RECK: variants seen among roughly 807,000 people sequenced by gnomAD.
RECK encodes the protein reversion inducing cysteine rich protein with kazal motifs, also known as reversion-inducing cysteine-rich protein with Kazal motifs.
Under a neutral mutation model 115.1 loss-of-function variants are expected in RECK, and 69 were observed. That is an observed-to-expected ratio of 0.60 (90% CI 0.49 to 0.73). RECK has a LOEUF of 0.73. Among genes scored for constraint, RECK ranks in the 30% least tolerant of loss-of-function variants. RECK has a pLI of 0.00. For synonymous variants in RECK, 414 were observed against 419.7 expected, an observed-to-expected ratio of 0.99 and a Z score of 0.17; for missense variants, 1,047 against 1,203.7, an observed-to-expected ratio of 0.87 and a Z score of 1.93.
chr9:36,085,361 A>T (rs1564120596), intron 8 of RECK: 2 of 156,074 alleles, frequency 1.3e-5, no homozygotes, highest in Admixed American at 1.3e-4. Context: ...GACCAGATTT[A>T]TAAAAACTGA....
rs1255303403 is a variant in RECK, at chr9:36,037,015, C to T, written c.17C>T (p.Ala6Val). Residue 6 changes from alanine (A) to valine (V), a missense_variant, in exon 1 of 21, where the codon GCC (alanine) becomes GTC (valine). Transcript: ENST00000377966. MATVR[A>V]SLRGALLLLL... ...GGCCCGGACATGGCGACCGTCCGGG[C>T]CTCTCTGCGAGGTGCGCTGCTCCTT... The T allele has an allele frequency of 7.0e-7, 1 of 1,433,938 alleles. No homozygotes were observed. Among genetic ancestry groups the T allele is most frequent in the South Asian group, 1.4e-5 (1 of 71,582 alleles). 88.8% of individuals were successfully genotyped at this position (1,433,938 alleles called of 1,614,324 possible).
At chr9:36,075,789 A>G (rs1429863399) in intron 6 of RECK, among the ~76,000 whole-genome samples, 3 of 152,212 alleles carry the variant, frequency 2.0e-5, no homozygotes, top group Non-Finnish European at 4.4e-5. Context: ...AAGTAATAGC[A>G]TAGTTAAGTA....
intron 19 of RECK, 67 bp downstream of exon 19, chr9:36,120,803 T>C: frequency 9.3e-7 from 1 of 1,073,360 alleles, no homozygotes; most frequent in East Asian, 2.4e-5. Context: ...TCCTAGAGAG[T>C]AGAATGTGTT....
intron 7 of RECK, among the ~76,000 whole-genome samples, chr9:36,081,768 A>G (rs1236539041): frequency 6.6e-6 from 1 of 150,664 alleles, no homozygotes; most frequent in Non-Finnish European, 1.5e-5. Context: ...CAGGAGGCAG[A>G]GGTTGCAGTA....
intron 1 of RECK, among the ~76,000 whole-genome samples, chr9:36,041,730 T>TGTGCATC (rs1820873515): frequency 6.6e-6 from 1 of 151,712 alleles, no homozygotes; most frequent in Non-Finnish European, 1.5e-5. Flanking sequence ...GGCTTCTCTC[T>TGTGCATC]GTGCATCTCT....
chr9:36,064,692 A>G (rs1037096754), intron 5 of RECK, among the ~76,000 whole-genome samples: 1 of 152,190 alleles, frequency 6.6e-6, no homozygotes, highest in Admixed American at 6.5e-5. Flanking sequence ...TCCTCCAGGC[A>G]TTGAGGTGAA....
At chr9:36,049,649 A>G (rs1319175293) in intron 1 of RECK, among the ~76,000 whole-genome samples, 1 of 152,230 alleles carries the variant, frequency 6.6e-6, no homozygotes, top group Non-Finnish European at 1.5e-5. Context: ...TTAGCATAAC[A>G]AAGACACTCC....
At chr9:36,078,294 A>G (rs1472624981) in intron 6 of RECK, among the ~76,000 whole-genome samples, 1 of 152,250 alleles carries the variant, frequency 6.6e-6, no homozygotes, top group Admixed American at 6.5e-5. Flanking sequence ...CGCAGGTTTT[A>G]TCTCCTTTAG....
intron 16 of RECK, among the ~76,000 whole-genome samples, chr9:36,115,050 C>T (rs1358965452): frequency 6.6e-6 from 1 of 152,058 alleles, no homozygotes; most frequent in Admixed American, 6.6e-5. Flanking sequence ...CACGGTGGCT[C>T]ATACCTGTAA....
chr9:36,096,123 G>C (rs144496584), intron 10 of RECK, among the ~76,000 whole-genome samples: 3,250 of 151,188 alleles, frequency 0.021, 63 homozygotes, highest in Non-Finnish European at 0.031. Flanking sequence ...TGTAGTCCCG[G>C]CTGCTCAGGA....
Position 36,120,663 on chromosome 9 carries a change from G to T in RECK, c.2465G>T (p.Gly822Val), listed in dbSNP as rs1824427046. 6.2e-7 allele frequency: 1 copy of T among 1,611,244 alleles called. No individual in the cohort carries two copies. Among genetic ancestry groups the T allele is most frequent in the Non-Finnish European group, 8.5e-7 (1 of 1,177,608 alleles). Reference protein sequence around the residue: ...AAGCKPIIPPGACCPLCAGML... With the variant: ...AAGCKPIIPPVACCPLCAGML... ...ACATAAAATGGTTTCTGTTATACAG[G>T]TGCTTGTTGCCCATTATGTGCTGGG... The change falls in exon 19 of 21, where the codon GGT becomes GTT. Residue 822 changes from glycine (G) to valine (V), a missense_variant and splice_region_variant. Physicochemically the swap from Gly to Val is moderately radical, Grantham distance 109 (BLOSUM62 -3). Transcript: ENST00000377966.
intron 1 of RECK, 74 bp downstream of exon 1, chr9:36,037,172 AG>A (rs1342376052): frequency 1.7e-5 from 9 of 537,780 alleles, no homozygotes; most frequent in Non-Finnish European, 1.7e-5. Context: ...GGCGCGGGGC[AG>A]GGGGCGGGGG....
At chr9:36,037,945 G>A (rs1182205225) in intron 1 of RECK, among the ~76,000 whole-genome samples, 1 of 150,130 alleles carries the variant, frequency 6.7e-6, no homozygotes. Flanking sequence ...TGGCTAGGAC[G>A]TGTGCATGCA....
At chr9:36,074,068 C>T (rs1374672725) in intron 6 of RECK, among the ~76,000 whole-genome samples, 1 of 152,168 alleles carries the variant, frequency 6.6e-6, no homozygotes. Flanking sequence ...AACATCATTA[C>T]CTCTATTGAA....
At chr9:36,051,022 A>G (rs542496673) in intron 1 of RECK, among the ~76,000 whole-genome samples, 2 of 152,088 alleles carry the variant, frequency 1.3e-5, no homozygotes, top group African/African-American at 4.8e-5. Flanking sequence ...ATATATATGT[A>G]TGTGTATATA....
rs10607815 is a variant in RECK at position 36,115,315 on chromosome 9, A to AAATAAT, written c.2061-1648_2061-1643dup. On this transcript the variant is annotated intron_variant, in intron 16 of 20. Transcript: ENST00000377966. Reference sequence around the variant, plus strand: ...GGGTGACAGAGCAAGACTCTGTCTCAAATAATAATAATAATAATAATAATA... The same window carrying AAATAAT: ...GGGTGACAGAGCAAGACTCTGTCTCAAATAATAATAATAATAATAATAATAATAATA... Among the ~76,000 whole-genome samples the AAATAAT allele has an allele frequency of 1.4e-3, 208 of 149,350 alleles. 1 individual carries two copies. Among genetic ancestry groups the AAATAAT allele is most frequent in the Admixed American group, 2.7e-3 (40 of 14,922 alleles).
At chr9:36,077,566 T>C (rs1822499690) in intron 6 of RECK, among the ~76,000 whole-genome samples, 1 of 152,084 alleles carries the variant, frequency 6.6e-6, no homozygotes, top group Non-Finnish European at 1.5e-5. Flanking sequence ...CTTTTGAACC[T>C]TAAAATGGGT....
rs568678908 is a variant in RECK at position 36,082,985 on chromosome 9, A to G, written c.440-380A>G. 6.1e-4 allele frequency among the ~76,000 whole-genome samples: 93 copies of G among 152,202 alleles called. 1 individual carries two copies. Among genetic ancestry groups the G allele is most frequent in the Non-Finnish European group, 5.1e-4 (35 of 68,034 alleles). On this transcript the variant is annotated intron_variant, in intron 7 of 20. Transcript: ENST00000377966. ...AAAGACACTGCTTCACTGGTTTTCA[A>G]CATGGGCACTCTTGGCATTTTGAGA... is the stretch of plus-strand genomic sequence containing the variant.
Position 36,083,436 on chromosome 9 carries a change from A to G in RECK, c.511A>G (p.Thr171Ala), listed in dbSNP as rs1215022639. 6.2e-7 allele frequency: 1 copy of G among 1,613,972 alleles called. No homozygotes were observed. The highest frequency in any genetic ancestry group is 1.3e-5 in the African/African-American group (1 of 74,912). ...AGAATACTGTCAAGCCATTTTTCGA[A>G]CAGACTCTTCTCCTGGTCCATCTCA... Reference protein sequence around the residue: ...CREYCQAIFRTDSSPGPSQIK... With the variant: ...CREYCQAIFRADSSPGPSQIK... Residue 171 changes from threonine (T) to alanine (A), a missense_variant, in exon 8 of 21, where the codon ACA becomes GCA. Transcript: ENST00000377966.
Sources: gnomAD v4.1 joint callset for allele counts (sites outside exome capture counted in the v4.1 genomes callset) on GRCh38, gnomAD v4.1.1 for gene constraint, MANE v1.5 for transcripts, NCBI Gene and HGNC (gene_info 2026-07-23, HGNC 2026-07-21) for gene names.